The following CEP135 variants were observed in gnomAD, a reference collection of about 807,000 sequenced individuals.
CEP135 encodes centrosomal protein 135.
A neutral mutation model predicts 157.3 loss-of-function variants in CEP135; 142 were observed. The ratio of observed to expected loss-of-function variants is 0.90; its 90% confidence interval spans 0.79 to 1.04. The LOEUF is 1.04. CEP135 is among the 50% of genes least tolerant of loss of function. The probability of loss-of-function intolerance (pLI) is 0.00; values close to 1 mark genes in which losing one functional copy is unlikely to be tolerated. For missense variants in CEP135, 1,317 were observed against 1,309.2 expected, an observed-to-expected ratio of 1.01 and a Z score of -0.09; for synonymous variants, 396 against 439.8, an observed-to-expected ratio of 0.90 and a Z score of 1.25.
At chr4:55,976,981 T>TG (rs1378972475) in intron 11 of CEP135, among the ~76,000 whole-genome samples, 1 of 151,940 alleles carries the variant, frequency 6.6e-6, no homozygotes, top group Non-Finnish European at 1.5e-5. Context: ...GGCTTTTTTT[T>TG]TTTTTGTTTT....
chr4:56,017,942 A>G lies in CEP135; in HGVS notation c.3012+85A>G, dbSNP rs1014948428. ...CTTTAGTATTCACCACACCATGCAT[A>G]TACTTGTTTCCTTTTAGAGTAGTTA... On this transcript the variant is annotated intron_variant, in intron 22 of 25. Coordinates refer to ENST00000257287, the MANE Select transcript of CEP135 (RefSeq NM_025009.5). The G allele has an allele frequency of 3.1e-5, 35 of 1,141,652 alleles. No individual in the cohort carries two copies. The African/African-American group carries it at 3.1e-4, about 10-fold the overall frequency. 70.7% of individuals were successfully genotyped at this position (1,141,652 alleles called of 1,614,324 possible).
intron 5 of CEP135, among the ~76,000 whole-genome samples, chr4:55,958,843 G>T (rs1328809081): frequency 2.0e-5 from 3 of 152,150 alleles, no homozygotes; most frequent in African/African-American, 7.2e-5. Flanking sequence ...CAGCACTTTG[G>T]TAGGCCGAGG....
In CEP135 at chr4:56,008,427, A is replaced by G. The variant is rs186439027; in HGVS notation, c.2336+45A>G. ...ACATCCAGCTTTTTAGGAGATTTTC[A>G]GTGAATACAGCTTTATCTATTCAGT... is the stretch of plus-strand genomic sequence containing the variant. On this transcript the variant is annotated intron_variant, in intron 18 of 25. Coordinates refer to ENST00000257287, the MANE Select transcript of CEP135 (RefSeq NM_025009.5). The G allele has an allele frequency of 1.1e-4, 165 of 1,435,394 alleles. 2 individuals carry two copies. The East Asian group carries it at 2.8e-3, about 24-fold the overall frequency. 88.9% of individuals were successfully genotyped at this position (1,435,394 alleles called of 1,614,324 possible).
chr4:55,972,410 A>G (rs1177677997), intron 10 of CEP135, among the ~76,000 whole-genome samples: 1 of 152,214 alleles, frequency 6.6e-6, no homozygotes, highest in Non-Finnish European at 1.5e-5. Context: ...GAAGTGCTCA[A>G]TGACAATACA....
chr4:56,004,766 A>G (rs1373059540), intron 17 of CEP135, among the ~76,000 whole-genome samples: 1 of 152,040 alleles, frequency 6.6e-6, no homozygotes, highest in Non-Finnish European at 1.5e-5. Flanking sequence ...TTTTCCATCC[A>G]TTCACTTTCA....
intron 19 of CEP135, among the ~76,000 whole-genome samples, chr4:56,010,854 AC>A (rs1055178841): frequency 6.6e-6 from 1 of 152,188 alleles, no homozygotes; most frequent in African/African-American, 2.4e-5. Context: ...TTTAATGTCA[AC>A]CCCTGACCAT....
chr4:56,024,658 G>A (rs568994334), intron 25 of CEP135, 44 bp downstream of exon 25: 5 of 1,333,292 alleles, frequency 3.8e-6, no homozygotes, highest in South Asian at 1.2e-5. Flanking sequence ...ATCTGTGGTT[G>A]TAAAAATTCA....
In CEP135 at chr4:55,961,168, T is replaced by G. The variant is rs183669082; in HGVS notation, c.699+1402T>G. On this transcript the variant is annotated intron_variant, in intron 6 of 25. Coordinates refer to ENST00000257287, the MANE Select transcript of CEP135 (RefSeq NM_025009.5). ...AAAACCTTACTTCATGAAGAGATGT[T>G]GAAAATATCCAATATGCACATGAGT... 2.4e-3 allele frequency among the ~76,000 whole-genome samples: 368 copies of G among 152,062 alleles called. 7 individuals carry two copies. In the East Asian group the frequency reaches 0.04, roughly 17 times the overall value.
chr4:56,003,473 G>C (rs1730249313), intron 17 of CEP135, among the ~76,000 whole-genome samples: 1 of 152,164 alleles, frequency 6.6e-6, no homozygotes, highest in Non-Finnish European at 1.5e-5. Context: ...CTTCCAAAGT[G>C]CTGGGATTAG....
Position 55,995,641 on chromosome 4 carries a change from A to G in CEP135, c.2009+3556A>G, listed in dbSNP as rs116483737. On this transcript the variant is annotated intron_variant, in intron 15 of 25. Coordinates refer to ENST00000257287, the MANE Select transcript of CEP135 (RefSeq NM_025009.5). ...ATATGTCACTAAATAATAATTTTCT[A>G]TTGAAATTTTTTTTAGTCGTTTAAA... Among the ~76,000 whole-genome samples the G allele has an allele frequency of 7.7e-3, 1,173 of 152,340 alleles. 15 individuals carry two copies. The highest frequency in any genetic ancestry group is 0.027 in the African/African-American group (1,118 of 41,578).
intron 19 of CEP135, among the ~76,000 whole-genome samples, chr4:56,010,999 C>G (rs996133828): frequency 1.3e-5 from 2 of 151,840 alleles, no homozygotes; most frequent in Admixed American, 1.3e-4. Flanking sequence ...TTTCGGAGAC[C>G]AAAGTGGGAG....
intron 15 of CEP135, among the ~76,000 whole-genome samples, chr4:55,998,100 T>G (rs1275770431): frequency 2.0e-5 from 3 of 152,220 alleles, no homozygotes; most frequent in African/African-American, 7.2e-5. Context: ...CCTATAAAGA[T>G]GTCCCTTCTT....
Position 56,022,411 on chromosome 4 carries a change from A to C in CEP135, c.3320+1631A>C, listed in dbSNP as rs78056405. On this transcript the variant is annotated intron_variant, in intron 24 of 25. Transcript: ENST00000257287. ...GGGGTAGGGAATAGAGGTAGCAAAAAAATTTTAGGTTGTATAAGTTAGTAG... is the reference window on the plus strand; with the variant it reads ...GGGGTAGGGAATAGAGGTAGCAAAACAATTTTAGGTTGTATAAGTTAGTAG... Among the ~76,000 whole-genome samples, 580 of 152,252 alleles carry C rather than the reference A, an allele frequency of 3.8e-3. 5 individuals are homozygous for C. The highest frequency in any genetic ancestry group is 0.013 in the African/African-American group (554 of 41,566).
chr4:55,985,418 A>G (rs549521637), intron 14 of CEP135, 60 bp downstream of exon 14: 4 of 723,160 alleles, frequency 5.5e-6, no homozygotes, highest in Non-Finnish European at 9.0e-6. Context: ...TGTCAATTAC[A>G]GTTTTAATAC....
rs1028698387 is a variant in CEP135, at chr4:56,031,539, A to G, written c.*191A>G. 6.6e-6 allele frequency: 1 copy of G among 152,618 alleles called. No homozygotes were observed. Among genetic ancestry groups the G allele is most frequent in the African/African-American group, 2.4e-5 (1 of 41,456 alleles). 9.5% of individuals were successfully genotyped at this position (152,618 alleles called of 1,614,324 possible). A position where few individuals can be genotyped will look rare whatever the true frequency, so the allele number is the denominator to read the frequency against. On this transcript the variant is annotated 3_prime_UTR_variant, in exon 26 of 26. Coordinates refer to ENST00000257287, the MANE Select transcript of CEP135 (RefSeq NM_025009.5). ...GTTTAAAAGAACTATATCTATATGT[A>G]TATTTTCATATATATGACAGAACAA...
chr4:55,988,706 C>A (rs969012518), intron 14 of CEP135, among the ~76,000 whole-genome samples: 2 of 149,836 alleles, frequency 1.3e-5, no homozygotes, highest in Non-Finnish European at 3.0e-5. Context: ...GCCTGTAATC[C>A]CAGCACTTTG....
In CEP135 at chr4:56,019,364, A is replaced by T. The variant is rs564431024; in HGVS notation, c.3024A>T (p.Glu1008Asp). The change falls in exon 23 of 26, where the codon GAA becomes GAT. Residue 1008 changes from glutamate to aspartate, a missense_variant. Coordinates refer to ENST00000257287, the MANE Select transcript of CEP135 (RefSeq NM_025009.5). ...TGTTTTTCACGTAGGTTGTGGTGGA[A>T]TTAGAAAATGTAAAGTCAGAGTCAG... ...KNLEFERVVV[E>D]LENVKSESDL... 1.2e-6 allele frequency: 2 copies of T among 1,610,368 alleles called. No homozygotes were observed. The highest frequency in any genetic ancestry group is 4.5e-5 in the East Asian group (2 of 44,800).
At position 56,017,782 on chromosome 4, in the gene CEP135, A is replaced by T. The variant is rs945052587; in HGVS notation, c.2937A>T (p.Glu979Asp). The T allele has an allele frequency of 6.2e-7, 1 of 1,613,808 alleles. No individual in the cohort carries two copies. Among genetic ancestry groups the T allele is most frequent in the Non-Finnish European group, 8.5e-7 (1 of 1,179,996 alleles). The change falls in exon 22 of 26, where the codon GAA becomes GAT. Residue 979 changes from glutamate (E) to aspartate (D), a missense_variant. Transcript: ENST00000257287. ...TAAATGACTTGTCATCTCTTAGAGA[A>T]CTTTGCATTAAACTTGATTCAGGCA... ...TVLNDLSSLR[E>D]LCIKLDSGKD...
chr4:56,012,874 C>G (rs576202321), intron 21 of CEP135, among the ~76,000 whole-genome samples: 1 of 152,076 alleles, frequency 6.6e-6, no homozygotes, highest in South Asian at 2.1e-4. Context: ...TATATCTGTT[C>G]GGGTGCTTGC....
Sources: allele counts gnomAD v4.1 joint callset (sites outside exome capture counted in the v4.1 genomes callset), GRCh38; gene constraint gnomAD v4.1.1; transcripts MANE v1.5; gene names NCBI Gene and HGNC (gene_info 2026-07-23, HGNC 2026-07-21).